SNTG1: variants seen among roughly 807,000 people sequenced by gnomAD.
SNTG1 encodes the protein syntrophin gamma 1, also known as gamma-1-syntrophin.
Under a neutral mutation model 74.7 loss-of-function variants are expected in SNTG1, and 39 were observed. The ratio of observed to expected loss-of-function variants is 0.52; its 90% CI spans 0.40 to 0.68. The LOEUF (loss-of-function observed/expected upper bound fraction) is 0.68, where lower values mean the gene tolerates loss of function less well. Among genes scored for constraint, SNTG1 ranks in the 30% least tolerant of loss-of-function variants. SNTG1 has a pLI of 0.00. For missense variants in SNTG1, 685 were observed against 609.5 expected (o/e 1.12, Z -1.30); for synonymous variants, 254 against 217.1 (o/e 1.17, Z -1.49).
intron 17 of SNTG1, among the ~76,000 whole-genome samples, chr8:50,730,556 T>C (rs2095510522): frequency 1.3e-5 from 2 of 152,202 alleles, no homozygotes; most frequent in African/African-American, 4.8e-5. Context: ...GGATGTGTTT[T>C]GCAGACGTGA....
intron 1 of SNTG1, among the ~76,000 whole-genome samples, chr8:50,069,583 ATTTTTTTTTTTTTTTTTTTTTTT>A (rs71235778): frequency 1.4e-3 from 91 of 67,080 alleles, no homozygotes; most frequent in African/African-American, 5.3e-3. Flanking sequence ...ATTGGGAGGA[ATTTTTTTTTTTTTTTTTTTTTTT>A]TTTTTTTTTT....
chr8:50,199,480 G>T (rs533783478), intron 2 of SNTG1, among the ~76,000 whole-genome samples: 1 of 152,216 alleles, frequency 6.6e-6, no homozygotes, highest in Admixed American at 6.5e-5. Flanking sequence ...GCCTCCCAAA[G>T]TGCTGGGATT....
intron 2 of SNTG1, among the ~76,000 whole-genome samples, chr8:50,369,366 G>A (rs2092209528): frequency 6.6e-6 from 1 of 152,186 alleles, no homozygotes; most frequent in African/African-American, 2.4e-5. Flanking sequence ...GGAGGCCAAG[G>A]CAGGTGGATC....
chr8:50,007,394 G>A (rs968719686), intron 1 of SNTG1, among the ~76,000 whole-genome samples: 16 of 152,098 alleles, frequency 1.1e-4, no homozygotes, highest in African/African-American at 3.9e-4. Context: ...GTGGGGAGGA[G>A]GAGGGAGAGA....
chr8:50,734,313 A>G (rs72643692), intron 17 of SNTG1, among the ~76,000 whole-genome samples: 8,264 of 151,782 alleles, frequency 0.054, 271 homozygotes, highest in Non-Finnish European at 0.072. Flanking sequence ...AGAGACTGAC[A>G]TCTTCAGGAT....
At chr8:50,582,586 C>G (rs1326257534) in intron 12 of SNTG1, among the ~76,000 whole-genome samples, 1 of 151,892 alleles carries the variant, frequency 6.6e-6, no homozygotes, top group Non-Finnish European at 1.5e-5. Flanking sequence ...AAAGTATCAT[C>G]CTGTCTGATT....
intron 1 of SNTG1, among the ~76,000 whole-genome samples, chr8:50,087,684 G>T (rs1314218062): frequency 1.3e-5 from 2 of 152,064 alleles, no homozygotes; most frequent in Non-Finnish European, 2.9e-5. Flanking sequence ...GGATAATAGT[G>T]TTATTAACCT....
chr8:50,064,324 C>G (rs1431437537), intron 1 of SNTG1, among the ~76,000 whole-genome samples: 2 of 152,138 alleles, frequency 1.3e-5, no homozygotes, highest in Non-Finnish European at 1.5e-5. Flanking sequence ...ATGTATCTTT[C>G]TATACTTCAC....
chr8:50,178,545 C>T (rs1334263942), intron 2 of SNTG1, among the ~76,000 whole-genome samples: 1 of 152,112 alleles, frequency 6.6e-6, no homozygotes, highest in Non-Finnish European at 1.5e-5. Flanking sequence ...AGAGAAGATA[C>T]AATATGAAGC....
chr8:50,414,399 T>A (rs1303071838), intron 4 of SNTG1, among the ~76,000 whole-genome samples: 7 of 152,168 alleles, frequency 4.6e-5, no homozygotes, highest in Non-Finnish European at 7.4e-5. Flanking sequence ...TTCTTTACTA[T>A]AATCCTTTGG....
intron 1 of SNTG1, among the ~76,000 whole-genome samples, chr8:49,947,485 A>T (rs1474290105): frequency 6.6e-6 from 1 of 152,168 alleles, no homozygotes; most frequent in Non-Finnish European, 1.5e-5. Context: ...CTTTTACCCC[A>T]TTTCCACTGA....
intron 17 of SNTG1, among the ~76,000 whole-genome samples, chr8:50,723,699 C>A (rs2095493109): frequency 6.6e-6 from 1 of 151,992 alleles, no homozygotes; most frequent in Non-Finnish European, 1.5e-5. Context: ...GGACCCAGGG[C>A]TTCAACAGTG....
intron 2 of SNTG1, among the ~76,000 whole-genome samples, chr8:50,235,487 TA>T (rs968273230): frequency 1.3e-5 from 2 of 151,922 alleles, no homozygotes; most frequent in African/African-American, 4.8e-5. Flanking sequence ...CAATTTAAAA[TA>T]AAAACAAAAA....
chr8:50,295,295 A>G (rs1014946632), intron 2 of SNTG1, among the ~76,000 whole-genome samples: 1 of 152,210 alleles, frequency 6.6e-6, no homozygotes, highest in Non-Finnish European at 1.5e-5. Flanking sequence ...GAGGTTGAAC[A>G]TAGAAAATGC....
intron 1 of SNTG1, among the ~76,000 whole-genome samples, chr8:50,000,237 T>G (rs1814619002): frequency 6.6e-6 from 1 of 152,168 alleles, no homozygotes; most frequent in African/African-American, 2.4e-5. Context: ...ACTTCCGGGC[T>G]TTTAATATCC....
chr8:50,009,392 G>A (rs751904460), intron 1 of SNTG1, among the ~76,000 whole-genome samples: 1 of 152,018 alleles, frequency 6.6e-6, no homozygotes, highest in Non-Finnish European at 1.5e-5. Context: ...CTTTTCTCTG[G>A]GTCTAAAGGG....
At position 50,003,711 on chromosome 8, in the gene SNTG1, G is replaced by A. The variant is rs187573776; in HGVS notation, c.-103+91480G>A. On this transcript the variant is annotated intron_variant, in intron 1 of 18. Transcript: ENST00000642720. ...TATTTACTTTTTGTTCTCTCAAGAG[G>A]ATCTGCTCTCGTATATATTAAAATA... 4.9e-3 allele frequency among the ~76,000 whole-genome samples: 745 copies of A among 152,196 alleles called. 3 individuals carry two copies. Among genetic ancestry groups the A allele is most frequent in the Admixed American group, 8.6e-3 (132 of 15,266 alleles).
At chr8:50,589,921 G>T (rs1040742956) in intron 12 of SNTG1, among the ~76,000 whole-genome samples, 10 of 152,122 alleles carry the variant, frequency 6.6e-5, no homozygotes, top group African/African-American at 2.4e-4. Context: ...ACCTAACCTT[G>T]CTCAGATCAC....
At chr8:49,965,599 G>T (rs1324085199) in intron 1 of SNTG1, among the ~76,000 whole-genome samples, 1 of 152,104 alleles carries the variant, frequency 6.6e-6, no homozygotes, top group African/African-American at 2.4e-5. Flanking sequence ...GCAGACACTG[G>T]GTTGCTTTTA....
Sources: allele counts gnomAD v4.1 joint callset (sites outside exome capture counted in the v4.1 genomes callset), GRCh38; gene constraint gnomAD v4.1.1; transcripts MANE v1.5; gene names NCBI Gene and HGNC (gene_info 2026-07-23, HGNC 2026-07-21).